Variants in TEX264 observed in about 807,000 individuals in gnomAD.
TEX264 encodes testis expressed 264, ER-phagy receptor.
In TEX264, 13 loss-of-function variants were observed where a neutral mutation model predicts 23.4. The ratio of observed to expected loss-of-function variants is 0.56; its 90% CI spans 0.36 to 0.88. TEX264 has a LOEUF of 0.88. Among genes scored for constraint, TEX264 ranks in the 40% least tolerant of loss-of-function variants. TEX264 has a pLI of 0.01. For missense variants in TEX264, 340 were observed against 406.8 expected, an observed-to-expected ratio of 0.84 and a Z score of 1.41; for synonymous variants, 159 against 170.0, an observed-to-expected ratio of 0.94 and a Z score of 0.50.
At chr3:51,694,093 T>TG (rs1559680853) in intron 3 of TEX264, among the ~76,000 whole-genome samples, 3 of 86,026 alleles carry the variant, frequency 3.5e-5, no homozygotes, top group Admixed American at 1.1e-4. Context: ...CCGTCCTTCC[T>TG]TCCTTCCTTC....
intron 1 of TEX264, among the ~76,000 whole-genome samples, chr3:51,673,706 T>G (rs1702130956): frequency 6.6e-6 from 1 of 151,608 alleles, no homozygotes; most frequent in Non-Finnish European, 1.5e-5. Context: ...AAAAGGAGAG[T>G]TTCTTATGAA....
At chr3:51,689,397 A>G (rs1702742968) in intron 3 of TEX264, among the ~76,000 whole-genome samples, 1 of 151,820 alleles carries the variant, frequency 6.6e-6, no homozygotes, top group Non-Finnish European at 1.5e-5. Context: ...GCCATTGCAC[A>G]TTAGCTTGGG....
chr3:51,680,836 C>T (rs1702405462), intron 2 of TEX264, among the ~76,000 whole-genome samples: 1 of 152,212 alleles, frequency 6.6e-6, no homozygotes, highest in African/African-American at 2.4e-5. Flanking sequence ...ATCAGGACAT[C>T]CCAACCTTCT....
chr3:51,672,104 AG>A (rs1469132391), intron 1 of TEX264: 1 of 152,388 alleles, frequency 6.6e-6, no homozygotes, highest in Admixed American at 6.5e-5. Flanking sequence ...TGATTTCCAC[AG>A]GGGGTTTGAG....
intron 3 of TEX264, among the ~76,000 whole-genome samples, chr3:51,694,084 C>T (rs1702954245): frequency 9.1e-6 from 1 of 109,540 alleles, no homozygotes; most frequent in African/African-American, 4.2e-5. Context: ...TCCTTCCGTC[C>T]GTCCTTCCTT....
At chr3:51,690,365 T>G (rs1036016643) in intron 3 of TEX264, among the ~76,000 whole-genome samples, 2 of 152,088 alleles carry the variant, frequency 1.3e-5, no homozygotes, top group African/African-American at 4.8e-5. Flanking sequence ...AACCCCATCT[T>G]TACTAAAAGT....
At chr3:51,678,584 G>A (rs1303882885) in intron 2 of TEX264, among the ~76,000 whole-genome samples, 1 of 152,210 alleles carries the variant, frequency 6.6e-6, no homozygotes, top group African/African-American at 2.4e-5. Flanking sequence ...CAGGCATGGA[G>A]TGGGTTGGGG....
intron 3 of TEX264, 23 bp from the exon 4 acceptor site, chr3:51,699,383 A>C: frequency 1.2e-6 from 2 of 1,611,352 alleles, no homozygotes; most frequent in Non-Finnish European, 1.7e-6. Flanking sequence ...GGCTCATTCT[A>C]CCTTTTGCCA....
chr3:51,701,383 G>T (rs1259693943), intron 4 of TEX264, among the ~76,000 whole-genome samples: 2 of 150,842 alleles, frequency 1.3e-5, no homozygotes, highest in Non-Finnish European at 3.0e-5. Context: ...GTGGTGCAGT[G>T]GCAAGATCTC....
At chr3:51,676,641 T>C (rs189067286) in intron 2 of TEX264, among the ~76,000 whole-genome samples, 30 of 152,348 alleles carry the variant, frequency 2.0e-4, no homozygotes, top group Non-Finnish European at 4.0e-4. Context: ...TGAGCCTCTA[T>C]TTCCTTGTCT....
intron 4 of TEX264, among the ~76,000 whole-genome samples, chr3:51,702,548 C>G (rs1000052044): frequency 6.6e-6 from 1 of 152,318 alleles, no homozygotes; most frequent in East Asian, 1.9e-4. Flanking sequence ...AAGCCCCAGG[C>G]TGAGTCCAGG....
At chr3:51,673,911 G>C (rs893261905) in intron 1 of TEX264, among the ~76,000 whole-genome samples, 1 of 152,124 alleles carries the variant, frequency 6.6e-6, no homozygotes, top group African/African-American at 2.4e-5. Context: ...CAGGCTGGCT[G>C]GTATCTGGTA....
chr3:51,678,675 G>A (rs532653345), intron 2 of TEX264, among the ~76,000 whole-genome samples: 13 of 152,274 alleles, frequency 8.5e-5, no homozygotes, highest in Admixed American at 6.5e-4. Context: ...GAGAACCAAG[G>A]CCCAGGGCCA....
chr3:51,694,091 C>T (rs536740691), intron 3 of TEX264, among the ~76,000 whole-genome samples: 30 of 84,960 alleles, frequency 3.5e-4, no homozygotes, highest in Non-Finnish European at 5.4e-4. Flanking sequence ...GTCCGTCCTT[C>T]CTTCCTTCCT....
intron 4 of TEX264, among the ~76,000 whole-genome samples, chr3:51,701,832 A>G (rs1428289978): frequency 6.6e-6 from 1 of 151,988 alleles, no homozygotes; most frequent in African/African-American, 2.4e-5. Context: ...GGGTTTTGCC[A>G]TGTTGGCCAG....
At chr3:51,687,687 G>T (rs1053240099) in intron 3 of TEX264, among the ~76,000 whole-genome samples, 3 of 152,124 alleles carry the variant, frequency 2.0e-5, no homozygotes, top group Non-Finnish European at 2.9e-5. Flanking sequence ...GCGGGGGGAG[G>T]ACTTGGCAGG....
At chr3:51,694,237 TCTC>T (rs1702971908) in intron 3 of TEX264, among the ~76,000 whole-genome samples, 1 of 151,950 alleles carries the variant, frequency 6.6e-6, no homozygotes. Context: ...TTCAAGCAAT[TCTC>T]CTGCCTCAGC....
At chr3:51,692,602 C>T (rs1482508954) in intron 3 of TEX264, among the ~76,000 whole-genome samples, 1 of 152,226 alleles carries the variant, frequency 6.6e-6, no homozygotes, top group African/African-American at 2.4e-5. Flanking sequence ...TTCCCAGCTC[C>T]ATCTGTACGA....
chr3:51,693,166 G>A (rs1278227168), intron 3 of TEX264, among the ~76,000 whole-genome samples: 2 of 152,226 alleles, frequency 1.3e-5, no homozygotes, highest in Non-Finnish European at 2.9e-5. Context: ...GCCAGGGCCT[G>A]CGTCGTGCCA....
Sources: allele counts gnomAD v4.1 joint callset (sites outside exome capture counted in the v4.1 genomes callset), GRCh38; gene constraint gnomAD v4.1.1; transcripts MANE v1.5; gene names NCBI Gene and HGNC (gene_info 2026-07-23, HGNC 2026-07-21).